Variants in ZDHHC14 observed in about 807,000 individuals in gnomAD.
ZDHHC14 encodes zDHHC palmitoyltransferase 14, also known as palmitoyltransferase ZDHHC14.
In ZDHHC14, 16 loss-of-function variants were observed where a neutral mutation model predicts 47.7. That is an observed-to-expected ratio of 0.34 (90% CI 0.23 to 0.51). The LOEUF is 0.51. Among genes scored for constraint, ZDHHC14 ranks in the 20% least tolerant of loss-of-function variants. ZDHHC14 has a pLI of 0.97. For synonymous variants in ZDHHC14, 293 were observed against 278.9 expected (o/e 1.05, Z -0.50); for missense variants, 515 against 662.5 (o/e 0.78, Z 2.44).
chr6:157,654,227 T>TAGCGTGCAGGTTTCC lies in ZDHHC14; in HGVS notation c.1068+612_1068+626dup, dbSNP rs1226316256. On this transcript the variant is annotated intron_variant, in intron 8 of 8. Transcript: ENST00000359775. ...GCTTTGCTTGCAGTGTGTAGGTTTC[T>TAGCGTGCAGGTTTCC]AGCGTGCAGGTTTCCAGCGTGCAGG... is the stretch of plus-strand genomic sequence containing the variant. Among the ~76,000 whole-genome samples, 19 of 152,218 alleles carry TAGCGTGCAGGTTTCC rather than the reference T, an allele frequency of 1.2e-4. No individual in the cohort carries two copies. The East Asian group carries it at 3.7e-3, about 29-fold the overall frequency.
At chr6:157,450,243 C>A (rs375725738) in intron 1 of ZDHHC14, among the ~76,000 whole-genome samples, 1 of 151,850 alleles carries the variant, frequency 6.6e-6, no homozygotes, top group East Asian at 1.9e-4. Context: ...TCTTGTGGTG[C>A]TTTTGAGACA....
In ZDHHC14 at chr6:157,645,731, C is replaced by T. The variant is rs1294904248; in HGVS notation, c.753-6C>T. On this transcript the variant is annotated splice_region_variant and splice_polypyrimidine_tract_variant and intron_variant, in intron 5 of 8. Transcript: ENST00000359775. ...CACTTCCGCTTGCCTCCTTGACTCG[C>T]ATCACCGTCCTGGAGGCTGTGGTGT... The T allele has an allele frequency of 1.2e-6, 2 of 1,612,994 alleles. No homozygotes were observed. The highest frequency in any genetic ancestry group is 2.2e-5 in the East Asian group (1 of 44,864).
chr6:157,538,862 G>A (rs373697620), intron 1 of ZDHHC14, among the ~76,000 whole-genome samples: 5 of 152,188 alleles, frequency 3.3e-5, no homozygotes, highest in African/African-American at 7.2e-5. Context: ...CAGCGCTGGC[G>A]GTGAGTGAAA....
intron 1 of ZDHHC14, among the ~76,000 whole-genome samples, chr6:157,517,851 C>G (rs956691354): frequency 6.6e-6 from 1 of 152,224 alleles, no homozygotes; most frequent in African/African-American, 2.4e-5. Context: ...ATAGTGTTGT[C>G]ACCTACAGAG....
chr6:157,529,602 T>A (rs1313406424), intron 1 of ZDHHC14, among the ~76,000 whole-genome samples: 1 of 152,236 alleles, frequency 6.6e-6, no homozygotes, highest in East Asian at 1.9e-4. Flanking sequence ...AGCGACTTTG[T>A]CACCCAAGAC....
chr6:157,671,579 A>G (rs562867611), intron 8 of ZDHHC14, among the ~76,000 whole-genome samples: 49 of 152,136 alleles, frequency 3.2e-4, no homozygotes, highest in Non-Finnish European at 6.3e-4. Context: ...GTTCAAGGAG[A>G]GGGTTTGCGG....
chr6:157,466,222 C>G (rs1333770829), intron 1 of ZDHHC14, among the ~76,000 whole-genome samples: 2 of 152,182 alleles, frequency 1.3e-5, no homozygotes, highest in South Asian at 4.1e-4. Context: ...GCTTACCTCT[C>G]CCTGGGTAAG....
intron 3 of ZDHHC14, among the ~76,000 whole-genome samples, chr6:157,597,533 A>G (rs1361665944): frequency 6.6e-6 from 1 of 152,278 alleles, no homozygotes; most frequent in African/African-American, 2.4e-5. Context: ...AGACAGTAAG[A>G]TGAAACACTG....
At chr6:157,583,856 C>T (rs554015508) in intron 2 of ZDHHC14, among the ~76,000 whole-genome samples, 3 of 152,220 alleles carry the variant, frequency 2.0e-5, no homozygotes, top group East Asian at 3.9e-4. Flanking sequence ...CCTTTCACTT[C>T]TGTTGTGGGG....
chr6:157,551,066 T>C (rs1782210493), intron 2 of ZDHHC14, among the ~76,000 whole-genome samples: 1 of 152,114 alleles, frequency 6.6e-6, no homozygotes, highest in Non-Finnish European at 1.5e-5. Context: ...TGGGACCACA[T>C]GCATGGTTCA....
chr6:157,437,305 A>T (rs1033559612), intron 1 of ZDHHC14, among the ~76,000 whole-genome samples: 3 of 152,162 alleles, frequency 2.0e-5, no homozygotes, highest in African/African-American at 7.2e-5. Context: ...AGGTTAACGG[A>T]TGCTTCCTTC....
At chr6:157,483,720 G>A (rs938231547) in intron 1 of ZDHHC14, among the ~76,000 whole-genome samples, 3 of 152,138 alleles carry the variant, frequency 2.0e-5, no homozygotes, top group Non-Finnish European at 2.9e-5. Context: ...CTTTGCATCC[G>A]TGGACCTTCC....
intron 2 of ZDHHC14, among the ~76,000 whole-genome samples, chr6:157,589,161 A>T (rs1203413856): frequency 6.6e-6 from 1 of 152,152 alleles, no homozygotes; most frequent in Non-Finnish European, 1.5e-5. Flanking sequence ...GGAAGGTCTT[A>T]AATGGCCAGA....
chr6:157,655,047 A>C (rs1217078637), intron 8 of ZDHHC14, among the ~76,000 whole-genome samples: 7 of 152,174 alleles, frequency 4.6e-5, no homozygotes, highest in Admixed American at 4.6e-4. Flanking sequence ...TTTTCTTTCG[A>C]AGCAAGTATG....
At chr6:157,577,925 T>C (rs1180543520) in intron 2 of ZDHHC14, among the ~76,000 whole-genome samples, 2 of 152,266 alleles carry the variant, frequency 1.3e-5, no homozygotes, top group Non-Finnish European at 2.9e-5. Context: ...TGGTTTTCAT[T>C]TGCATTTCTC....
chr6:157,602,031 G>T (rs112902719), intron 3 of ZDHHC14, among the ~76,000 whole-genome samples: 1 of 151,614 alleles, frequency 6.6e-6, no homozygotes, highest in South Asian at 2.1e-4. Flanking sequence ...GTGAAACCGC[G>T]TCTCTACTAA....
At chr6:157,490,821 G>A (rs902809224) in intron 1 of ZDHHC14, among the ~76,000 whole-genome samples, 2 of 152,230 alleles carry the variant, frequency 1.3e-5, no homozygotes, top group African/African-American at 4.8e-5. Flanking sequence ...TAATGGCGCA[G>A]CTATTGTTCT....
Position 157,409,377 on chromosome 6 carries a change from G to C in ZDHHC14, c.245+27111G>C, listed in dbSNP as rs145173371. ...GGTTGGATCCTGCTTTCTAGAAGCA[G>C]AGGGAGCAGCGGGTTACGTATGTTT... On this transcript the variant is annotated intron_variant, in intron 1 of 8. Transcript: ENST00000359775. 4.8e-4 allele frequency among the ~76,000 whole-genome samples: 73 copies of C among 152,300 alleles called. 2 individuals are homozygous for C. In the East Asian group the frequency reaches 0.013, roughly 28 times the overall value.
chr6:157,471,608 G>T (rs1002415279), intron 1 of ZDHHC14, among the ~76,000 whole-genome samples: 1 of 152,238 alleles, frequency 6.6e-6, no homozygotes, highest in African/African-American at 2.4e-5. Flanking sequence ...GCCCGAAATA[G>T]CTGGGAAAAT....
Sources: gnomAD v4.1 joint callset for allele counts (sites outside exome capture counted in the v4.1 genomes callset) on GRCh38, gnomAD v4.1.1 for gene constraint, MANE v1.5 for transcripts, NCBI Gene and HGNC (gene_info 2026-07-23, HGNC 2026-07-21) for gene names.